Variants in TRIM17 observed in about 807,000 individuals in gnomAD.
TRIM17 encodes the protein E3 ubiquitin-protein ligase TRIM17.
In TRIM17, 27 loss-of-function variants were observed where a neutral mutation model predicts 35.8. That is an observed-to-expected ratio of 0.75 (90% CI 0.56 to 1.04). TRIM17 has a LOEUF of 1.04. Among genes scored for constraint, TRIM17 ranks in the 50% least tolerant of loss-of-function variants. The pLI, the probability that TRIM17 is intolerant of heterozygous loss-of-function variation, is 0.00. For missense variants in TRIM17, 582 were observed against 612.8 expected, an observed-to-expected ratio of 0.95 and a Z score of 0.53; for synonymous variants, 246 against 252.6, an observed-to-expected ratio of 0.97 and a Z score of 0.25.
At position 228,411,116 on chromosome 1, in the gene TRIM17, G is replaced by A; in HGVS notation, c.586C>T (p.Leu196=). ...VLEFEKMNLY[L]VEEEQRLLQA... The stretch of plus-strand genomic sequence containing the variant: ...AGGAGCCTCTGCTCTTCTTCCACCA[G>A]GTAGAGGTTCATCTTCTCAAACTCC... The change falls in exon 4 of 7, where the codon CTG becomes TTG. Residue 196 remains leucine, a synonymous_variant. Transcript: ENST00000366698. This position sits in a 1 kb window ranked among gnomAD's most constrained non-coding sequence, Gnocchi z 4.2. 1 of 1,614,082 alleles carries A rather than the reference G, an allele frequency of 6.2e-7. No individual in the cohort carries two copies. The highest frequency in any genetic ancestry group is 8.5e-7 in the Non-Finnish European group (1 of 1,179,982).
At position 228,407,965 on chromosome 1, in the gene TRIM17, C is replaced by G; in HGVS notation, c.*236G>C. ...GGTGTGTAGGTATGGATTTAGAAAT[C>G]GGTCCACTCAGAACGCAGGGGCTTT... On this transcript the variant is annotated 3_prime_UTR_variant, in exon 7 of 7. Coordinates refer to ENST00000366698, the MANE Select transcript of TRIM17 (RefSeq NM_016102.4). 2.8e-6 allele frequency: 1 copy of G among 354,928 alleles called. No individual in the cohort carries two copies. The highest frequency in any genetic ancestry group is 1.2e-4 in the South Asian group (1 of 8,386). The allele number at this position is 354,928 out of a possible 1,614,324, so 22.0% of individuals were successfully genotyped here. A position where few individuals can be genotyped will look rare whatever the true frequency, so the allele number is the denominator to read the frequency against.
In TRIM17 at chr1:228,411,317, G is replaced by GC; in HGVS notation, c.526-142dup. On this transcript the variant is annotated intron_variant, in intron 3 of 6. Transcript: ENST00000366698. The surrounding 1 kb of genome is among the most constrained non-coding windows in gnomAD (Gnocchi z 4.2). Reference sequence around the variant, plus strand: ...TTGGGGACCAGGAACTGTGACAGAGGCCCCCACCTCTGCCATCCTGTGATA... The same window carrying GC: ...TTGGGGACCAGGAACTGTGACAGAGGCCCCCCACCTCTGCCATCCTGTGATA... The GC allele has an allele frequency of 1.5e-6, 1 of 670,252 alleles. No homozygotes were observed. The highest frequency in any genetic ancestry group is 2.5e-6 in the Non-Finnish European group (1 of 396,500). The allele number at this position is 670,252 out of a possible 1,614,324, so 41.5% of individuals were successfully genotyped here.
intron 3 of TRIM17, among the ~76,000 whole-genome samples, chr1:228,412,132 G>A (rs1656815371): frequency 6.6e-6 from 1 of 152,086 alleles, no homozygotes; most frequent in Non-Finnish European, 1.5e-5. Context: ...AATATTCACA[G>A]GTCACCATGG....
intron 1 of TRIM17, 96 bp from the exon 2 acceptor site, chr1:228,415,209 C>CA: frequency 1.0e-6 from 1 of 1,001,604 alleles, no homozygotes; most frequent in Non-Finnish European, 1.4e-6. Context: ...GCTAGGACTG[C>CA]AGTCCAGTTA....
rs761031539 is a variant in TRIM17 at position 228,408,617 on chromosome 1, C to T, written c.1018G>A (p.Ala340Thr). Residue 340 changes from alanine to threonine, a missense_variant, in exon 7 of 7, where the codon GCT becomes ACT. Ala to Thr is a moderately conservative substitution (Grantham distance 58). Transcript: ENST00000366698. This position sits in a 1 kb window ranked among gnomAD's most constrained non-coding sequence, Gnocchi z 6.3. ...SKDRFVAYPC[A>T]VGQTAFSSGR... ...GAGGAGAAGGCCGTCTGGCCCACAG[C>T]ACAGGGGTAAGCCACAAATCGGTCC... 8 of 1,613,816 alleles carry T rather than the reference C, an allele frequency of 5.0e-6. No individual in the cohort carries two copies. The East Asian group carries it at 1.6e-4, about 31-fold the overall frequency.
Position 228,408,607 on chromosome 1 carries a change from T to A in TRIM17, c.1028A>T (p.Gln343Leu). The A allele has an allele frequency of 6.2e-7, 1 of 1,613,910 alleles. No homozygotes were observed. The part of the protein sequence containing the change: ...RFVAYPCAVG[Q>L]TAFSSGRHYW... ...GTGCCTCCCAGAGGAGAAGGCCGTC[T>A]GGCCCACAGCACAGGGGTAAGCCAC... is the stretch of plus-strand genomic sequence containing the variant. Residue 343 changes from glutamine to leucine, a missense_variant, in exon 7 of 7, where the codon CAG becomes CTG. Gln to Leu is a moderately radical substitution (Grantham distance 113, BLOSUM62 -2). Coordinates refer to ENST00000366698, the MANE Select transcript of TRIM17 (RefSeq NM_016102.4). The surrounding 1 kb of genome is among the most constrained non-coding windows in gnomAD (Gnocchi z 6.3).
rs1464576870 is a variant in TRIM17, at chr1:228,414,741, T to C, written c.332A>G (p.Gln111Arg). ...EHHEPLKLFC[Q>R]KDQSPICVVC... ...CACACAGATGGGGCTCTGGTCCTTC[T>C]GGCAGAAAAGCTTGAGGGGCTCGTG... The change falls in exon 2 of 7, where the codon CAG (glutamine) becomes CGG (arginine). Residue 111 changes from glutamine (Q) to arginine (R), a missense_variant. Coordinates refer to ENST00000366698, the MANE Select transcript of TRIM17 (RefSeq NM_016102.4). 6.2e-7 allele frequency: 1 copy of C among 1,612,704 alleles called. No homozygotes were observed. Among genetic ancestry groups the C allele is most frequent in the African/African-American group, 1.3e-5 (1 of 74,928 alleles).
At position 228,416,717 on chromosome 1, in the gene TRIM17, G is replaced by GGGGGGGGGT; in HGVS notation, c.-221_-220insACCCCCCCC. 1 of 965,314 alleles carries GGGGGGGGGT rather than the reference G, an allele frequency of 1.0e-6. No homozygotes were observed. The highest frequency in any genetic ancestry group is 1.2e-6 in the Non-Finnish European group (1 of 812,580). 59.8% of individuals were successfully genotyped at this position (965,314 alleles called of 1,614,324 possible). A position where few individuals can be genotyped will look rare whatever the true frequency, so the allele number is the denominator to read the frequency against. ...CAGCGGGGGCTGGGGGGCGGCGGGG[G>GGGGGGGGGT]AGGGGAATGCTGGGCGAGGGAGTGT... On this transcript the variant is annotated 5_prime_UTR_variant, in exon 1 of 7. Coordinates refer to ENST00000366698, the MANE Select transcript of TRIM17 (RefSeq NM_016102.4).
At position 228,408,164 on chromosome 1, in the gene TRIM17, A is replaced by G; in HGVS notation, c.*37T>C. 6.6e-7 allele frequency: 1 copy of G among 1,504,944 alleles called. No homozygotes were observed. The highest frequency in any genetic ancestry group is 2.3e-5 in the Admixed American group (1 of 43,478). 93.2% of individuals were successfully genotyped at this position (1,504,944 alleles called of 1,614,324 possible). A position where few individuals can be genotyped will look rare whatever the true frequency, so the allele number is the denominator to read the frequency against. On this transcript the variant is annotated 3_prime_UTR_variant, in exon 7 of 7. Transcript: ENST00000366698. The surrounding 1 kb of genome is among the most constrained non-coding windows in gnomAD (Gnocchi z 6.3). ...TAAGCAGAAGGCCCACACCTTCTGC[A>G]GAGCCAGGAGCAGTGCCCGAGTCCC... is the stretch of plus-strand genomic sequence containing the variant.
chr1:228,414,955 TGCAGGCTCG>T lies in TRIM17; in HGVS notation c.109_117del (p.Arg37_Cys39del). 6.2e-7 allele frequency: 1 copy of T among 1,613,476 alleles called. No homozygotes were observed. The highest frequency in any genetic ancestry group is 8.5e-7 in the Non-Finnish European group (1 of 1,180,032). On this transcript the variant is annotated inframe_deletion, in exon 2 of 7. Coordinates refer to ENST00000366698, the MANE Select transcript of TRIM17 (RefSeq NM_016102.4). The stretch of plus-strand genomic sequence containing the variant: ...CTCGCCTTTTCCCAGCTCAGCTGGA[TGCAGGCTCG>T]GCAGAAGTTGTGGCCACAGGTGGTC...
At chr1:228,409,859 G>C (rs1369557478) in intron 4 of TRIM17, among the ~76,000 whole-genome samples, 1 of 152,114 alleles carries the variant, frequency 6.6e-6, no homozygotes, top group Non-Finnish European at 1.5e-5. Flanking sequence ...GGGATTCAGA[G>C]TTCCCTAAAG....
chr1:228,410,974 C>T lies in TRIM17; in HGVS notation c.728G>A (p.Ser243Asn). ...CAGCATCTGGAGGGGCCCCTGTGTG[C>T]TCCGCTCCTCCAGCTGCAGCAGCAG... ...ELLLLQLEER[S>N]TQGPLQMLQD... The change falls in exon 4 of 7, where the codon AGC becomes AAC. Residue 243 changes from serine to asparagine, a missense_variant. Ser to Asn is a conservative substitution (Grantham distance 46). Coordinates refer to ENST00000366698, the MANE Select transcript of TRIM17 (RefSeq NM_016102.4). The surrounding 1 kb of genome is among the most constrained non-coding windows in gnomAD (Gnocchi z 4.6). The T allele has an allele frequency of 3.8e-6, 6 of 1,596,126 alleles. No homozygotes were observed. Among genetic ancestry groups the T allele is most frequent in the Non-Finnish European group, 4.3e-6 (5 of 1,171,924 alleles).
rs921303490 is a variant in TRIM17 at position 228,410,300 on chromosome 1, G to T, written c.756+646C>A. 6.6e-6 allele frequency among the ~76,000 whole-genome samples: 1 copy of T among 151,974 alleles called. No homozygotes were observed. The highest frequency in any genetic ancestry group is 1.5e-5 in the Non-Finnish European group (1 of 68,006). On this transcript the variant is annotated intron_variant, in intron 4 of 6. Coordinates refer to ENST00000366698, the MANE Select transcript of TRIM17 (RefSeq NM_016102.4). The surrounding 1 kb of genome is among the most constrained non-coding windows in gnomAD (Gnocchi z 4.6). ...TTGTAGAGATGGCGTCTTATCAGCC[G>T]TAATCAAGCCCCCTCTCCAGGGCCA...
chr1:228,408,769 G>A lies in TRIM17; in HGVS notation c.884-18C>T. ...CACATCCTCTGTAGATGGGCGTGGT[G>A]GTGGAGAGATGGGGAGAGGTGTGGG... is the stretch of plus-strand genomic sequence containing the variant. On this transcript the variant is annotated intron_variant, in intron 6 of 6. Transcript: ENST00000366698. This position sits in a 1 kb window ranked among gnomAD's most constrained non-coding sequence, Gnocchi z 6.3. 1 of 1,592,302 alleles carries A rather than the reference G, an allele frequency of 6.3e-7. No individual in the cohort carries two copies. Among genetic ancestry groups the A allele is most frequent in the Non-Finnish European group, 8.5e-7 (1 of 1,175,302 alleles).
At position 228,414,695 on chromosome 1, in the gene TRIM17, C is replaced by A; in HGVS notation, c.378G>T (p.Glu126Asp). The A allele has an allele frequency of 1.9e-6, 3 of 1,612,012 alleles. No individual in the cohort carries two copies. Among genetic ancestry groups the A allele is most frequent in the Non-Finnish European group, 2.5e-6 (3 of 1,180,032 alleles). Residue 126 changes from glutamate to aspartate, a missense_variant, in exon 2 of 7, where the codon GAG (glutamate) becomes GAT (aspartate). Coordinates refer to ENST00000366698, the MANE Select transcript of TRIM17 (RefSeq NM_016102.4). ...PICVVCRESR[E>D]HRLHRVLPAE... ...CGGGCAGCACCCTGTGCAGCCGGTG[C>A]TCCCGGGACTCCCTGCACACCACAC... is the stretch of plus-strand genomic sequence containing the variant.
intron 2 of TRIM17, 147 bp from the exon 3 acceptor site, chr1:228,414,039 C>T (rs1574100760): frequency 1.5e-6 from 1 of 662,520 alleles, no homozygotes; most frequent in East Asian, 2.7e-5. Context: ...CAGAATGTGC[C>T]ACCTTGGATT....
At chr1:228,409,724 T>G in intron 4 of TRIM17, 5 of 196,922 alleles carry the variant, frequency 2.5e-5, no homozygotes, top group South Asian at 1.7e-4. Flanking sequence ...GACCCTCCTC[T>G]CCCATTTCAG....
chr1:228,413,482 G>A (rs1031641881), intron 3 of TRIM17, among the ~76,000 whole-genome samples: 4 of 151,166 alleles, frequency 2.6e-5, no homozygotes, highest in Admixed American at 6.6e-5. Flanking sequence ...CTGAGCCCCC[G>A]CCCTCTGGCT....
rs1656799509 is a variant in TRIM17, at chr1:228,411,832, T to G, written c.526-656A>C. Among the ~76,000 whole-genome samples the G allele has an allele frequency of 6.6e-6, 1 of 152,144 alleles. No individual in the cohort carries two copies. The highest frequency in any genetic ancestry group is 2.1e-4 in the South Asian group (1 of 4,828). On this transcript the variant is annotated intron_variant, in intron 3 of 6. Transcript: ENST00000366698. The surrounding 1 kb of genome is among the most constrained non-coding windows in gnomAD (Gnocchi z 4.2). ...TTTTTTTGTAGAGACAGGGTCTTGC[T>G]ATGTTGCCCAGGCTGGGGTTCAGTG...
Sources: gnomAD v4.1 joint callset for allele counts (sites outside exome capture counted in the v4.1 genomes callset) on GRCh38, gnomAD v4.1.1 for gene constraint, Gnocchi (gnomAD v3.1) non-coding constraint, MANE v1.5 for transcripts, NCBI Gene and HGNC (gene_info 2026-07-23, HGNC 2026-07-21) for gene names.